TENM2: variants seen among roughly 807,000 people sequenced by gnomAD.
TENM2 encodes the protein teneurin transmembrane protein 2.
In TENM2, 52 loss-of-function variants were observed where a neutral mutation model predicts 245.2. That is an observed-to-expected ratio of 0.21 (90% confidence interval 0.17 to 0.27). The LOEUF is 0.27. Among genes scored for constraint, TENM2 ranks in the 10% least tolerant of loss-of-function variants. The pLI is 1.00. For missense variants in TENM2, 3,046 were observed against 3,666.8 expected (o/e 0.83, Z 4.37); for synonymous variants, 1,363 against 1,438.9 (o/e 0.95, Z 1.19).
intron 27 of TENM2, among the ~76,000 whole-genome samples, chr5:168,250,232 G>A (rs1766999128): frequency 6.6e-6 from 1 of 151,988 alleles, no homozygotes; most frequent in African/African-American, 2.4e-5. Flanking sequence ...GGATGGATGG[G>A]TGTGTGGATG....
chr5:168,148,517 T>C (rs1377691152), intron 12 of TENM2, among the ~76,000 whole-genome samples: 9 of 152,326 alleles, frequency 5.9e-5, no homozygotes, highest in African/African-American at 2.2e-4. Context: ...CTTGATTAGC[T>C]AAAAACTGTT....
chr5:167,594,468 T>C (rs1776070013), intron 2 of TENM2, among the ~76,000 whole-genome samples: 1 of 152,210 alleles, frequency 6.6e-6, no homozygotes, highest in Non-Finnish European at 1.5e-5. Context: ...ATCTCTCTTC[T>C]AGATATTGGA....
intron 9 of TENM2, among the ~76,000 whole-genome samples, chr5:168,112,890 T>TAAC (rs1478421681): frequency 6.6e-6 from 1 of 152,250 alleles, no homozygotes; most frequent in African/African-American, 2.4e-5. Flanking sequence ...ACCAAGCTAC[T>TAAC]AACCCATGTG....
chr5:167,482,681 G>A (rs900561336), intron 2 of TENM2, among the ~76,000 whole-genome samples: 1 of 152,068 alleles, frequency 6.6e-6, no homozygotes, highest in Non-Finnish European at 1.5e-5. Context: ...CAGTATTTAT[G>A]GCACACACTC....
chr5:167,864,218 G>A (rs1318554225), intron 2 of TENM2, among the ~76,000 whole-genome samples: 2 of 152,148 alleles, frequency 1.3e-5, no homozygotes, highest in Admixed American at 6.5e-5. Flanking sequence ...ATTTACAGTT[G>A]AGAACTGTTT....
chr5:167,689,385 G>A (rs1378680354), intron 2 of TENM2, among the ~76,000 whole-genome samples: 1 of 152,138 alleles, frequency 6.6e-6, no homozygotes, highest in East Asian at 1.9e-4. Flanking sequence ...CCAGTCATTG[G>A]CAGAGAACAG....
the TENM2 span, among the ~76,000 whole-genome samples, chr5:166,989,139 G>A: frequency 6.6e-6 from 1 of 151,178 alleles, no homozygotes; most frequent in East Asian, 1.9e-4. Context: ...GTGCAATCTC[G>A]ATTCACTGCA....
At chr5:167,368,324 G>A (rs1282520595) in intron 1 of TENM2, among the ~76,000 whole-genome samples, 1 of 151,896 alleles carries the variant, frequency 6.6e-6, no homozygotes. Context: ...ACAGTTTGGG[G>A]GTGGGGCATA....
intron 2 of TENM2, among the ~76,000 whole-genome samples, chr5:167,709,358 T>C (rs1758752083): frequency 6.6e-6 from 1 of 152,254 alleles, no homozygotes; most frequent in Admixed American, 6.5e-5. Flanking sequence ...ATCTATCTTA[T>C]TTGAATTTCA....
At chr5:167,275,896 T>C in the TENM2 span, among the ~76,000 whole-genome samples, 1 of 152,062 alleles carries the variant, frequency 6.6e-6, no homozygotes, top group South Asian at 2.1e-4. Context: ...CAGCACCATG[T>C]TGAACAAGAC....
intron 3 of TENM2, among the ~76,000 whole-genome samples, chr5:167,906,721 G>A (rs1400542450): frequency 6.6e-6 from 1 of 152,108 alleles, no homozygotes; most frequent in Non-Finnish European, 1.5e-5. Flanking sequence ...GTGCATTGGG[G>A]GGTGTTCAAT....
the TENM2 span, among the ~76,000 whole-genome samples, chr5:167,021,892 G>T: frequency 6.6e-6 from 1 of 152,124 alleles, no homozygotes. Context: ...AATAATGATA[G>T]TGCCAACACT....
chr5:168,217,317 T>C (rs1763283573), intron 22 of TENM2, among the ~76,000 whole-genome samples: 1 of 152,222 alleles, frequency 6.6e-6, no homozygotes, highest in Admixed American at 6.5e-5. Flanking sequence ...ATCCTCACTA[T>C]ATAAACCTTT....
intron 2 of TENM2, among the ~76,000 whole-genome samples, chr5:167,416,426 A>G (rs530156892): frequency 6.6e-6 from 1 of 152,320 alleles, no homozygotes; most frequent in South Asian, 2.1e-4. Flanking sequence ...ATTTAAATAC[A>G]TACGGGGCTC....
At chr5:167,286,938 A>C (rs1754305563) in intron 1 of TENM2, among the ~76,000 whole-genome samples, 1 of 152,240 alleles carries the variant, frequency 6.6e-6, no homozygotes, top group Non-Finnish European at 1.5e-5. Context: ...TGGCCATATC[A>C]AACTCATAGC....
At chr5:167,682,181 T>C (rs1756775378) in intron 2 of TENM2, among the ~76,000 whole-genome samples, 2 of 148,096 alleles carry the variant, frequency 1.4e-5, no homozygotes, top group Admixed American at 1.3e-4. Context: ...TTCCTTCTTT[T>C]TTTCTTTCTT....
intron 3 of TENM2, among the ~76,000 whole-genome samples, chr5:167,920,005 C>T (rs998596874): frequency 6.6e-6 from 1 of 152,054 alleles, no homozygotes; most frequent in Non-Finnish European, 1.5e-5. Flanking sequence ...ATCTGCATTT[C>T]GGAGTGCCTG....
intron 13 of TENM2, among the ~76,000 whole-genome samples, chr5:168,165,597 T>G (rs1581507806): frequency 9.1e-6 from 1 of 109,856 alleles, no homozygotes; most frequent in African/African-American, 3.4e-5. Context: ...GCTCACAGGG[T>G]CCCCGGGCCT....
intron 1 of TENM2, among the ~76,000 whole-genome samples, chr5:167,353,559 G>A (rs187523192): frequency 7.5e-6 from 1 of 132,728 alleles, no homozygotes; most frequent in Non-Finnish European, 1.6e-5. Context: ...CCAGGCTGGA[G>A]TGCAGTGGCG....
Sources: gnomAD v4.1 joint callset for allele counts (sites outside exome capture counted in the v4.1 genomes callset) on GRCh38, gnomAD v4.1.1 for gene constraint, MANE v1.5 for transcripts, NCBI Gene and HGNC (gene_info 2026-07-23, HGNC 2026-07-21) for gene names.